Variants in ZBTB20 observed in about 807,000 individuals in gnomAD.
ZBTB20 encodes the protein zinc finger and BTB domain-containing protein 20.
In ZBTB20, 9 loss-of-function variants were observed where a neutral mutation model predicts 56.9. The ratio of observed to expected loss-of-function variants is 0.16; its 90% CI spans 0.10 to 0.28. The LOEUF (loss-of-function observed/expected upper bound fraction) is 0.28, where lower values mean the gene tolerates loss of function less well. Among genes scored for constraint, ZBTB20 ranks in the 10% least tolerant of loss-of-function variants. ZBTB20 has a pLI of 1.00. For missense variants in ZBTB20, 655 were observed against 1,003.0 expected, an observed-to-expected ratio of 0.65 and a Z score of 4.69; for synonymous variants, 417 against 420.7, an observed-to-expected ratio of 0.99 and a Z score of 0.11.
chr3:114,703,717 C>T (rs1023435497), intron 5 of ZBTB20, among the ~76,000 whole-genome samples: 2 of 152,202 alleles, frequency 1.3e-5, no homozygotes, highest in South Asian at 4.1e-4. Context: ...ACACAACACA[C>T]TCACTAAAGA....
rs1048932928 is a variant in ZBTB20, at chr3:114,323,546, A to G, written c.*15459T>C. The stretch of plus-strand genomic sequence containing the variant: ...GGAGCACATCCTACTGCCCTCTGCC[A>G]CACTAAAATGTGCACAAGCAAGGGG... On this transcript the variant is annotated 3_prime_UTR_variant, in exon 12 of 12. Coordinates refer to ENST00000675478, the MANE Select transcript of ZBTB20 (RefSeq NM_001348800.3). 2.6e-5 allele frequency: 4 copies of G among 152,254 alleles called. No individual in the cohort carries two copies. Among genetic ancestry groups the G allele is most frequent in the African/African-American group, 7.2e-5 (3 of 41,450 alleles). The allele number at this position is 152,254 out of a possible 1,614,324, so 9.4% of individuals were successfully genotyped here.
intron 6 of ZBTB20, among the ~76,000 whole-genome samples, chr3:114,532,700 C>T (rs1002074397): frequency 3.9e-5 from 6 of 152,192 alleles, no homozygotes; most frequent in African/African-American, 1.4e-4. Context: ...CTGGGAGACA[C>T]CTCCCAGCAG....
Position 114,333,400 on chromosome 3 carries a change from C to T in ZBTB20, c.*5605G>A, listed in dbSNP as rs1231389664. 2.6e-5 allele frequency: 4 copies of T among 152,192 alleles called. No individual in the cohort carries two copies. The highest frequency in any genetic ancestry group is 4.8e-5 in the African/African-American group (2 of 41,444). The allele number at this position is 152,192 out of a possible 1,614,324, so 9.4% of individuals were successfully genotyped here. On this transcript the variant is annotated 3_prime_UTR_variant, in exon 12 of 12. Transcript: ENST00000675478. Reference sequence around the variant, plus strand: ...AAAGTTTGCCCCATGTAATCTATTTCCTGGCTACCTAAGAGAACAGCCGTT... The same window carrying T: ...AAAGTTTGCCCCATGTAATCTATTTTCTGGCTACCTAAGAGAACAGCCGTT...
chr3:114,325,962 C>T lies in ZBTB20; in HGVS notation c.*13043G>A, dbSNP rs928916487. The T allele has an allele frequency of 2.0e-5, 3 of 152,054 alleles. No individual in the cohort carries two copies. The highest frequency in any genetic ancestry group is 7.3e-5 in the African/African-American group (3 of 41,376). 9.4% of individuals were successfully genotyped at this position (152,054 alleles called of 1,614,324 possible). A position where few individuals can be genotyped will look rare whatever the true frequency, so the allele number is the denominator to read the frequency against. On this transcript the variant is annotated 3_prime_UTR_variant, in exon 12 of 12. Transcript: ENST00000675478. ...AGTACTGGCAATGCAGTGCCAATCT[C>T]CCTCTGTTACTGTTCCCTCTAGTGC... is the stretch of plus-strand genomic sequence containing the variant.
intron 6 of ZBTB20, among the ~76,000 whole-genome samples, chr3:114,676,945 T>G (rs1318667948): frequency 1.3e-5 from 2 of 152,076 alleles, no homozygotes; most frequent in African/African-American, 2.4e-5. Flanking sequence ...CAGCTAATTT[T>G]TGTATCTTTA....
intron 6 of ZBTB20, among the ~76,000 whole-genome samples, chr3:114,642,003 T>C (rs1057362330): frequency 3.3e-5 from 5 of 152,078 alleles, no homozygotes; most frequent in African/African-American, 7.2e-5. Flanking sequence ...TTTGTTTAAA[T>C]TGACTATTCT....
At chr3:114,357,344 G>C (rs908888934) in intron 10 of ZBTB20, 3 of 152,192 alleles carry the variant, frequency 2.0e-5, no homozygotes, top group African/African-American at 7.2e-5. Flanking sequence ...ACCTATGAAA[G>C]TTGGGGACTA....
intron 6 of ZBTB20, among the ~76,000 whole-genome samples, chr3:114,550,163 C>A (rs940529651): frequency 1.3e-5 from 2 of 152,168 alleles, no homozygotes; most frequent in Non-Finnish European, 2.9e-5. Context: ...TGGTCTCAAT[C>A]TCCTGATCTT....
intron 1 of ZBTB20, among the ~76,000 whole-genome samples, chr3:115,122,954 T>A: frequency 6.6e-6 from 1 of 152,052 alleles, no homozygotes. Context: ...AATCAAAAGG[T>A]CAGAACCCAG....
chr3:114,795,694 A>C (rs1200139095), intron 5 of ZBTB20, among the ~76,000 whole-genome samples: 1 of 152,132 alleles, frequency 6.6e-6, no homozygotes, highest in Non-Finnish European at 1.5e-5. Context: ...GTTGTCTTGC[A>C]TACATAACAC....
chr3:114,778,885 A>T (rs1033927417), intron 5 of ZBTB20, among the ~76,000 whole-genome samples: 24 of 152,228 alleles, frequency 1.6e-4, no homozygotes, highest in African/African-American at 2.4e-4. Context: ...AAATAAAATT[A>T]AAAAAAGTAA....
In ZBTB20 at chr3:114,839,465, A is replaced by AAG. The variant is rs1553842183; in HGVS notation, c.-416-38293_-416-38292dup. Among the ~76,000 whole-genome samples the AAG allele has an allele frequency of 7.8e-4, 116 of 148,334 alleles. No individual in the cohort carries two copies. The South Asian group carries it at 8.1e-3, about 10-fold the overall frequency. On this transcript the variant is annotated intron_variant, in intron 4 of 11. Transcript: ENST00000675478. Reference sequence around the variant, plus strand: ...AAAGAAAGAAAGAAAGAAAGAAAGAAAGAGAGAGAGAAAGAAAGAGAAAGA... The same window carrying AAG: ...AAAGAAAGAAAGAAAGAAAGAAAGAAAGAGAGAGAGAGAAAGAAAGAGAAAGA...
intron 6 of ZBTB20, among the ~76,000 whole-genome samples, chr3:114,528,094 T>C (rs1035569456): frequency 3.3e-5 from 5 of 152,192 alleles, no homozygotes; most frequent in African/African-American, 7.2e-5. Flanking sequence ...ACTGACCTTA[T>C]GATTTTTAAA....
At chr3:114,729,671 A>T (rs1263854857) in intron 5 of ZBTB20, among the ~76,000 whole-genome samples, 2 of 152,218 alleles carry the variant, frequency 1.3e-5, no homozygotes, top group Non-Finnish European at 2.9e-5. Context: ...CAATAATATT[A>T]AATTTTTGAA....
intron 2 of ZBTB20, among the ~76,000 whole-genome samples, chr3:115,025,812 C>T (rs573439560): frequency 2.7e-5 from 4 of 149,736 alleles, no homozygotes; most frequent in Non-Finnish European, 6.0e-5. Flanking sequence ...TTAGTTGCTA[C>T]AATATCACAA....
At chr3:115,136,059 A>G (rs1255608663) in intron 1 of ZBTB20, among the ~76,000 whole-genome samples, 2 of 152,016 alleles carry the variant, frequency 1.3e-5, no homozygotes, top group African/African-American at 4.8e-5. Flanking sequence ...AATTCTGTGT[A>G]CTCTATTCAA....
At chr3:115,086,775 T>C (rs2083000794) in intron 1 of ZBTB20, among the ~76,000 whole-genome samples, 1 of 151,870 alleles carries the variant, frequency 6.6e-6, no homozygotes, top group Non-Finnish European at 1.5e-5. Flanking sequence ...GTTTGTACTA[T>C]GTCTGATGTG....
intron 6 of ZBTB20, among the ~76,000 whole-genome samples, chr3:114,566,021 T>TTTTTTTTA: frequency 6.6e-6 from 1 of 151,782 alleles, no homozygotes; most frequent in African/African-American, 2.4e-5. Flanking sequence ...TTTCTTTTTT[T>TTTTTTTTA]AAAAGAAACC....
At chr3:115,132,272 T>A (rs925184270) in intron 1 of ZBTB20, among the ~76,000 whole-genome samples, 82 of 152,308 alleles carry the variant, frequency 5.4e-4, no homozygotes, top group Middle Eastern at 3.4e-3. Context: ...CATTTTGTAA[T>A]TTGTGTTTCT....
Sources: allele counts gnomAD v4.1 joint callset (sites outside exome capture counted in the v4.1 genomes callset), GRCh38; gene constraint gnomAD v4.1.1; transcripts MANE v1.5; gene names NCBI Gene and HGNC (gene_info 2026-07-23, HGNC 2026-07-21).